GPC6: variants seen among roughly 807,000 people sequenced by gnomAD.
GPC6 encodes glypican 6.
A neutral mutation model predicts 55.2 loss-of-function variants in GPC6; 14 were observed. The ratio of observed to expected loss-of-function variants is 0.25; its 90% confidence interval spans 0.17 to 0.40. The LOEUF (loss-of-function observed/expected upper bound fraction) is 0.40, where lower values mean the gene tolerates loss of function less well. Ranked by LOEUF, GPC6 falls within the 10% of genes least tolerant of loss-of-function variation. GPC6 has a pLI of 1.00. For synonymous variants in GPC6, 278 were observed against 259.6 expected (o/e 1.07, Z -0.68); for missense variants, 641 against 708.5 (o/e 0.90, Z 1.08).
chr13:93,727,044 G>A (rs1883669896), intron 2 of GPC6, among the ~76,000 whole-genome samples: 1 of 151,970 alleles, frequency 6.6e-6, no homozygotes, highest in Non-Finnish European at 1.5e-5. Context: ...TTGAATATTG[G>A]GGACAGTCTT....
At chr13:93,959,591 A>G (rs996281875) in intron 3 of GPC6, among the ~76,000 whole-genome samples, 13 of 152,226 alleles carry the variant, frequency 8.5e-5, no homozygotes, top group African/African-American at 2.7e-4. Context: ...ATATTCAGAA[A>G]TAAATGCTCC....
intron 3 of GPC6, among the ~76,000 whole-genome samples, chr13:94,023,627 T>C (rs1478181600): frequency 2.0e-5 from 3 of 152,082 alleles, no homozygotes; most frequent in African/African-American, 7.2e-5. Context: ...CCCTTGGGCA[T>C]TTCTTTCAGA....
At chr13:93,468,147 T>A (rs1000700182) in intron 1 of GPC6, among the ~76,000 whole-genome samples, 1 of 152,138 alleles carries the variant, frequency 6.6e-6, no homozygotes, top group Non-Finnish European at 1.5e-5. Flanking sequence ...ACCTGAAAAC[T>A]CTTTAGTAGA....
intron 4 of GPC6, among the ~76,000 whole-genome samples, chr13:94,164,789 A>G (rs1293892833): frequency 6.6e-6 from 1 of 152,166 alleles, no homozygotes; most frequent in Non-Finnish European, 1.5e-5. Flanking sequence ...TGAAGTGAAA[A>G]TAAATTGATT....
intron 1 of GPC6, among the ~76,000 whole-genome samples, chr13:93,370,407 A>T (rs1470126713): frequency 6.6e-6 from 1 of 152,176 alleles, no homozygotes; most frequent in African/African-American, 2.4e-5. Context: ...TGGAATGTAT[A>T]TTAACTTGTT....
intron 2 of GPC6, among the ~76,000 whole-genome samples, chr13:93,636,521 C>T (rs921183257): frequency 2.0e-5 from 3 of 152,106 alleles, no homozygotes; most frequent in Non-Finnish European, 2.9e-5. Context: ...TTCTACACTG[C>T]GTTGACATTG....
At chr13:94,154,232 T>G (rs565235031) in intron 4 of GPC6, 42 of 150,026 alleles carry the variant, frequency 2.8e-4, no homozygotes, top group African/African-American at 1.0e-3. Context: ...TATTGCGATT[T>G]TTTTTTACAG....
intron 6 of GPC6, among the ~76,000 whole-genome samples, chr13:94,310,919 A>G (rs1594156514): frequency 6.6e-6 from 1 of 152,168 alleles, no homozygotes; most frequent in East Asian, 1.9e-4. Context: ...TGTGCTAATA[A>G]GAACAAACCA....
chr13:93,524,777 A>G (rs1033916150), intron 1 of GPC6, among the ~76,000 whole-genome samples: 6 of 152,044 alleles, frequency 3.9e-5, no homozygotes, highest in East Asian at 3.8e-4. Context: ...TGCTATTACA[A>G]TCTTTCAAGT....
At chr13:94,170,994 A>C (rs1188675348) in intron 4 of GPC6, among the ~76,000 whole-genome samples, 3 of 152,178 alleles carry the variant, frequency 2.0e-5, no homozygotes, top group African/African-American at 7.2e-5. Flanking sequence ...TTGGCTCTTT[A>C]GTTGCTTATT....
At chr13:93,662,979 T>C (rs571416847) in intron 2 of GPC6, among the ~76,000 whole-genome samples, 189 of 151,630 alleles carry the variant, frequency 1.2e-3, no homozygotes, top group African/African-American at 4.3e-3. Context: ...GATTCTAATA[T>C]ACAGCCAGGA....
intron 2 of GPC6, among the ~76,000 whole-genome samples, chr13:93,574,248 T>C (rs1031232393): frequency 2.0e-5 from 3 of 152,162 alleles, no homozygotes; most frequent in Non-Finnish European, 4.4e-5. Flanking sequence ...AAGATGAGGT[T>C]ATACTGGAGC....
chr13:93,355,356 A>G (rs896611253), intron 1 of GPC6, among the ~76,000 whole-genome samples: 2 of 152,206 alleles, frequency 1.3e-5, no homozygotes, highest in Non-Finnish European at 2.9e-5. Context: ...GATGTGACAT[A>G]AGCTAAGTGA....
intron 1 of GPC6, among the ~76,000 whole-genome samples, chr13:93,315,663 G>T (rs1350980663): frequency 1.4e-4 from 22 of 151,776 alleles, no homozygotes. Flanking sequence ...ACCTAAGATT[G>T]GTTGTTGTGA....
At chr13:94,386,677 G>T (rs1482179511) in intron 7 of GPC6, among the ~76,000 whole-genome samples, 1 of 152,204 alleles carries the variant, frequency 6.6e-6, no homozygotes, top group East Asian at 1.9e-4. Flanking sequence ...ATGCTTATTA[G>T]AACTGATAGA....
chr13:94,266,200 G>A (rs551051297), intron 4 of GPC6, among the ~76,000 whole-genome samples: 97 of 146,530 alleles, frequency 6.6e-4, no homozygotes, highest in Middle Eastern at 3.6e-3. Flanking sequence ...AAGGAGTCTC[G>A]CTCTGTTGCC....
intron 4 of GPC6, among the ~76,000 whole-genome samples, chr13:94,231,423 C>T (rs901170168): frequency 2.0e-5 from 3 of 152,168 alleles, no homozygotes; most frequent in East Asian, 3.9e-4. Context: ...TCCGTGTCAT[C>T]GCCTCTCATA....
chr13:93,513,876 C>CTTTTTTTTTTT (rs56333946), intron 1 of GPC6, among the ~76,000 whole-genome samples: 1 of 110,246 alleles, frequency 9.1e-6, no homozygotes, highest in African/African-American at 3.5e-5. Context: ...TGAATGATGG[C>CTTTTTTTTTTT]TTTTTTTTTT....
At chr13:94,100,617 T>C (rs1377630209) in intron 4 of GPC6, among the ~76,000 whole-genome samples, 2 of 152,176 alleles carry the variant, frequency 1.3e-5, no homozygotes, top group Non-Finnish European at 2.9e-5. Context: ...GCTAGTACTT[T>C]CTAGGGATCT....
Sources: gnomAD v4.1 joint callset for allele counts (sites outside exome capture counted in the v4.1 genomes callset) on GRCh38, gnomAD v4.1.1 for gene constraint, MANE v1.5 for transcripts, NCBI Gene and HGNC (gene_info 2026-07-23, HGNC 2026-07-21) for gene names.